Variants in FREM3 observed in about 807,000 individuals in gnomAD.
FREM3 encodes the protein FRAS1 related extracellular matrix 3.
FREM3 carries 105 observed loss-of-function variants against 129.1 expected under a neutral mutation model. The observed-to-expected ratio is 0.81, with a 90% CI of 0.69 to 0.96. The LOEUF is 0.96. FREM3 is among the 40% of genes least tolerant of loss of function. The pLI is 0.00. For missense variants in FREM3, 2,593 were observed against 2,666.3 expected (o/e 0.97, Z 0.61); for synonymous variants, 1,014 against 1,044.9 (o/e 0.97, Z 0.57).
At chr4:143,595,914 G>A (rs1311096655) in intron 6 of FREM3, among the ~76,000 whole-genome samples, 1 of 129,394 alleles carries the variant, frequency 7.7e-6, no homozygotes, top group East Asian at 2.0e-4. Context: ...AGAAGGAACT[G>A]CCTTTGAGGC....
In FREM3 at chr4:143,611,473, C is replaced by T. The variant is rs572037223; in HGVS notation, c.5834G>A (p.Arg1945His). The T allele has an allele frequency of 3.5e-5, 54 of 1,537,004 alleles. No individual in the cohort carries two copies. The highest frequency in any genetic ancestry group is 2.7e-4 in the South Asian group (23 of 84,044). Residue 1945 changes from arginine (R) to histidine (H), a missense_variant, in exon 6 of 8, where the codon CGT (arginine) becomes CAT (histidine). This residue lies in a region of FREM3 where 317 missense variants were observed against 399.0 expected (regional missense o/e 0.79). Coordinates refer to ENST00000329798, the MANE Select transcript of FREM3 (RefSeq NM_001168235.2). ...GAGGATGCTGGTGTGGTCTTCTGGA[C>T]GTGAGATGTAATCAGAGAATAACAC... is the stretch of plus-strand genomic sequence containing the variant. ...STVLFSDYIS[R>H]PEDHTSILHF...
chr4:143,625,604 A>G (rs988049212), intron 3 of FREM3, among the ~76,000 whole-genome samples: 2 of 152,222 alleles, frequency 1.3e-5, no homozygotes, highest in African/African-American at 4.8e-5. Context: ...AACATAAAAA[A>G]GAGTGAATGG....
At position 143,585,799 on chromosome 4, in the gene FREM3, A is replaced by C. The variant is rs1738230458; in HGVS notation, c.6178+45T>G. On this transcript the variant is annotated intron_variant, in intron 7 of 7. Transcript: ENST00000329798. The surrounding 1 kb of genome is among the most constrained non-coding windows in gnomAD (Gnocchi z 4.2). Reference sequence around the variant, plus strand: ...ACTTAACAGACTAGACTCCACCATAAACATGTATCATGATAATGATATATT... The same window carrying C: ...ACTTAACAGACTAGACTCCACCATACACATGTATCATGATAATGATATATT... 1 of 1,525,626 alleles carries C rather than the reference A, an allele frequency of 6.6e-7. No homozygotes were observed. The highest frequency in any genetic ancestry group is 1.2e-5 in the South Asian group (1 of 83,030). 94.5% of individuals were successfully genotyped at this position (1,525,626 alleles called of 1,614,324 possible). A position where few individuals can be genotyped will look rare whatever the true frequency, so the allele number is the denominator to read the frequency against.
chr4:143,669,254 C>A (rs543073254), intron 2 of FREM3, among the ~76,000 whole-genome samples: 16 of 152,272 alleles, frequency 1.1e-4, no homozygotes, highest in African/African-American at 3.4e-4. Flanking sequence ...AATTCTCTCA[C>A]ACAGATCATA....
intron 2 of FREM3, among the ~76,000 whole-genome samples, chr4:143,635,186 C>A (rs1431110775): frequency 1.3e-5 from 2 of 151,816 alleles, no homozygotes; most frequent in Non-Finnish European, 2.9e-5. Context: ...ATTTGGAAAC[C>A]AGTGAAGAAA....
At chr4:143,658,995 T>C (rs1739650141) in intron 2 of FREM3, among the ~76,000 whole-genome samples, 1 of 151,668 alleles carries the variant, frequency 6.6e-6, no homozygotes. Context: ...ACTTGGCTAA[T>C]GCCTACTCAT....
chr4:143,584,666 C>G (rs1475487493), intron 7 of FREM3, among the ~76,000 whole-genome samples: 1 of 152,058 alleles, frequency 6.6e-6, no homozygotes, highest in Non-Finnish European at 1.5e-5. Context: ...CTTAGATAAC[C>G]ATACAATAAT....
chr4:143,577,898 T>C, intron 7 of FREM3, 46 bp from the exon 8 acceptor site: 3 of 1,504,016 alleles, frequency 2.0e-6, no homozygotes, highest in Middle Eastern at 2.1e-4. Context: ...GGATTTGTCA[T>C]AAGTTTTCCT....
chr4:143,623,018 A>G (rs1553966087), intron 4 of FREM3, among the ~76,000 whole-genome samples: 1 of 152,148 alleles, frequency 6.6e-6, no homozygotes. Context: ...AGTGTTTTCT[A>G]CTTCTTTTGT....
At chr4:143,666,091 A>G (rs1052341375) in intron 2 of FREM3, among the ~76,000 whole-genome samples, 2 of 152,088 alleles carry the variant, frequency 1.3e-5, no homozygotes, top group Non-Finnish European at 2.9e-5. Flanking sequence ...CCAGGGTTTT[A>G]CAAACTTAAA....
chr4:143,636,797 A>G (rs1244506800), intron 2 of FREM3, among the ~76,000 whole-genome samples: 1 of 152,164 alleles, frequency 6.6e-6, no homozygotes, highest in Non-Finnish European at 1.5e-5. Context: ...TAAATTTTGA[A>G]AATGCATTTA....
rs1313633107 is a variant in FREM3, at chr4:143,695,726, G to A, written c.4950C>T (p.Val1650=). ...LATHKPQVMR[V]QIRSLDNRLP... is the part of the protein sequence containing the mutation. Reference sequence around the variant, plus strand: ...GCCTATTGTCTAATGATCTTATCTGGACCCTCATTACTTGAGGTTTGTGTG... The same window carrying A: ...GCCTATTGTCTAATGATCTTATCTGAACCCTCATTACTTGAGGTTTGTGTG... Residue 1650 remains valine (V), a synonymous_variant, in exon 1 of 8, where the codon GTC becomes GTT. Coordinates refer to ENST00000329798, the MANE Select transcript of FREM3 (RefSeq NM_001168235.2). 1 of 1,537,242 alleles carries A rather than the reference G, an allele frequency of 6.5e-7. No homozygotes were observed. Among genetic ancestry groups the A allele is most frequent in the Non-Finnish European group, 8.7e-7 (1 of 1,146,912 alleles).
chr4:143,677,985 T>G (rs1178100637), intron 2 of FREM3, among the ~76,000 whole-genome samples: 2 of 152,224 alleles, frequency 1.3e-5, no homozygotes, highest in African/African-American at 4.8e-5. Flanking sequence ...AGTGTGGCGA[T>G]TCCTCAGGGA....
intron 6 of FREM3, among the ~76,000 whole-genome samples, chr4:143,587,295 CAAT>C (rs1216634906): frequency 6.6e-6 from 1 of 152,120 alleles, no homozygotes; most frequent in African/African-American, 2.4e-5. Flanking sequence ...TTTATTTCCT[CAAT>C]AAATAATCAT....
chr4:143,675,393 G>A (rs1011164984), intron 2 of FREM3, among the ~76,000 whole-genome samples: 4 of 152,160 alleles, frequency 2.6e-5, no homozygotes, highest in Non-Finnish European at 5.9e-5. Context: ...TTAAAGCAGT[G>A]TGTAGAGGGA....
intron 2 of FREM3, among the ~76,000 whole-genome samples, chr4:143,668,694 C>T (rs1739910088): frequency 6.6e-6 from 1 of 152,170 alleles, no homozygotes; most frequent in Non-Finnish European, 1.5e-5. Flanking sequence ...TCTAATGAGG[C>T]CAGGGTTTGA....
intron 6 of FREM3, among the ~76,000 whole-genome samples, chr4:143,606,498 C>A (rs1183499137): frequency 6.6e-6 from 1 of 151,684 alleles, no homozygotes; most frequent in African/African-American, 2.4e-5. Flanking sequence ...TTATAGGAAA[C>A]ACTAGATGGC....
chr4:143,672,921 G>A (rs893510183), intron 2 of FREM3, among the ~76,000 whole-genome samples: 4 of 152,072 alleles, frequency 2.6e-5, no homozygotes, highest in Non-Finnish European at 5.9e-5. Flanking sequence ...CATGGTTCTC[G>A]TGCTATGGTT....
intron 2 of FREM3, among the ~76,000 whole-genome samples, chr4:143,662,602 C>G (rs1739757239): frequency 6.6e-6 from 1 of 151,354 alleles, no homozygotes; most frequent in African/African-American, 2.4e-5. Context: ...ATTAGGTCCG[C>G]TTGGTGCAGA....
Sources: gnomAD v4.1 joint callset for allele counts (sites outside exome capture counted in the v4.1 genomes callset) on GRCh38, gnomAD v4.1.1 for gene constraint, gnomAD v4.1.1 regional missense constraint, Gnocchi (gnomAD v3.1) non-coding constraint, MANE v1.5 for transcripts, NCBI Gene and HGNC (gene_info 2026-07-23, HGNC 2026-07-21) for gene names.